The following HSPG2 variants were observed in gnomAD, a reference collection of about 807,000 sequenced individuals.
HSPG2 encodes heparan sulfate proteoglycan 2, also known as basement membrane-specific heparan sulfate proteoglycan core protein.
In HSPG2, 278 loss-of-function variants were observed where a neutral mutation model predicts 526.6. That is an observed-to-expected ratio of 0.53 (90% confidence interval 0.48 to 0.58). The LOEUF is 0.58. Ranked by LOEUF, HSPG2 falls within the 20% of genes least tolerant of loss-of-function variation. HSPG2 has a pLI of 0.00. For synonymous variants in HSPG2, 2,465 were observed against 2,555.4 expected, an observed-to-expected ratio of 0.96 and a Z score of 1.07; for missense variants, 5,354 against 6,099.5, an observed-to-expected ratio of 0.88 and a Z score of 4.07.
chr1:21,841,538 C>G lies in HSPG2; in HGVS notation c.9328+1G>C. 6.2e-7 allele frequency: 1 copy of G among 1,614,198 alleles called. No homozygotes were observed. The stretch of plus-strand genomic sequence containing the variant: ...GCCCCACAGGGTCAACGTCCCCTCA[C>G]CGTGCACACTGAGGTTCACCACACT... On this transcript the variant is annotated splice_donor_variant, in intron 70 of 96. Transcript: ENST00000374695. LOFTEE classifies it high-confidence loss of function.
Position 21,887,497 on chromosome 1 carries a change from T to C in HSPG2, c.881A>G (p.Asn294Ser), listed in dbSNP as rs375035794. The part of the protein sequence containing the change: ...PCGPQEAACR[N>S]GHCIPRDYLC... ...GTAGTCTCTGGGGATGCAGTGCCCA[T>C]TGCGGCATGCGGCCTCCTGGGGCCC... Residue 294 changes from asparagine to serine, a missense_variant, in exon 8 of 97, where the codon AAT (asparagine) becomes AGT (serine). By Grantham distance (46) the Asn-to-Ser change is conservative. Transcript: ENST00000374695. The surrounding 1 kb of genome is among the most constrained non-coding windows in gnomAD (Gnocchi z 5.0). 4.0e-5 allele frequency: 65 copies of C among 1,613,874 alleles called. No homozygotes were observed. The highest frequency in any genetic ancestry group is 1.6e-4 in the Middle Eastern group (1 of 6,066).
At chr1:21,854,066 G>T in intron 50 of HSPG2, 127 bp downstream of exon 50, 1 of 1,053,866 alleles carries the variant, frequency 9.5e-7, no homozygotes, top group Non-Finnish European at 1.3e-6. Flanking sequence ...CTCTCTCTGA[G>T]CAGGCGCTGA....
rs1557684079 is a variant in HSPG2 at position 21,835,019 on chromosome 1, C to T, written c.10454-74G>A. The T allele has an allele frequency of 3.2e-6, 5 of 1,550,082 alleles. No homozygotes were observed. The African/African-American group carries it at 5.4e-5, about 17-fold the overall frequency. ...TGGCCCGAGGGAGGCCATAGACTGCCCAAGGAAAGGTGAGCACTGAAGCTC... is the reference window on the plus strand; with the variant it reads ...TGGCCCGAGGGAGGCCATAGACTGCTCAAGGAAAGGTGAGCACTGAAGCTC... On this transcript the variant is annotated intron_variant, in intron 76 of 96. Transcript: ENST00000374695.
At position 21,858,531 on chromosome 1, in the gene HSPG2, G is replaced by C. The variant is rs1053535939; in HGVS notation, c.5293+1035C>G. On this transcript the variant is annotated intron_variant, in intron 42 of 96. Coordinates refer to ENST00000374695, the MANE Select transcript of HSPG2 (RefSeq NM_005529.7). The surrounding 1 kb of genome is among the most constrained non-coding windows in gnomAD (Gnocchi z 4.2). ...GGCTGGGGCCTCTTACTGGAGTTCA[G>C]ACTCACATACCCAAATGCCTGCCTG... Among the ~76,000 whole-genome samples, 1 of 152,196 alleles carries C rather than the reference G, an allele frequency of 6.6e-6. No individual in the cohort carries two copies. The highest frequency in any genetic ancestry group is 1.5e-5 in the Non-Finnish European group (1 of 68,050).
Position 21,830,325 on chromosome 1 carries a change from CAG to C in HSPG2, c.11672-236_11672-235del. On this transcript the variant is annotated intron_variant, in intron 85 of 96. Coordinates refer to ENST00000374695, the MANE Select transcript of HSPG2 (RefSeq NM_005529.7). The stretch of plus-strand genomic sequence containing the variant: ...GGACTCTGTGTGTCTGCAGGTTCTT[CAG>C]AGACTGGACAGTGTTGGAGGGGGAG... 5.2e-6 allele frequency: 3 copies of C among 572,166 alleles called. No homozygotes were observed. The East Asian group carries it at 8.8e-5, about 17-fold the overall frequency. 35.4% of individuals were successfully genotyped at this position (572,166 alleles called of 1,614,324 possible).
intron 33 of HSPG2, among the ~76,000 whole-genome samples, chr1:21,871,355 G>C (rs1021082159): frequency 4.6e-5 from 7 of 151,374 alleles, no homozygotes; most frequent in African/African-American, 1.7e-4. Flanking sequence ...CCCATCCTGG[G>C]TACCAGCGAT....
intron 87 of HSPG2, 107 bp from the exon 88 acceptor site, chr1:21,829,186 C>T: frequency 6.8e-7 from 1 of 1,462,302 alleles, no homozygotes; most frequent in Non-Finnish European, 9.2e-7. Context: ...CTACAGCCTT[C>T]TGTATTCCAG....
rs747374914 is a variant in HSPG2, at chr1:21,880,818, G to A, written c.1836C>T (p.Gly612=). 6.3e-7 allele frequency: 1 copy of A among 1,592,754 alleles called. No homozygotes were observed. Among genetic ancestry groups the A allele is most frequent in the East Asian group, 2.3e-5 (1 of 43,788 alleles). Residue 612 remains glycine (G), a synonymous_variant, in exon 15 of 97, where the codon GGC becomes GGT. Coordinates refer to ENST00000374695, the MANE Select transcript of HSPG2 (RefSeq NM_005529.7). ...CGTAGCGCACGTTGTAACGCAGGGA[G>A]CCGCCATAGGAGTCCACCTGGCACA... ...FLGNKVDSYG[G]SLRYNVRYEL...
At position 21,890,239 on chromosome 1, in the gene HSPG2, G is replaced by T; in HGVS notation, c.414-98C>A. 2 of 1,482,122 alleles carry T rather than the reference G, an allele frequency of 1.3e-6. No individual in the cohort carries two copies. The highest frequency in any genetic ancestry group is 2.3e-5 in the South Asian group (2 of 88,378). 91.8% of individuals were successfully genotyped at this position (1,482,122 alleles called of 1,614,324 possible). Reference sequence around the variant, plus strand: ...GCCCCGACGCTCAGGCCCTGTTCCGGGACAGCCTGTACCCAAAGAAGGGCA... The same window carrying T: ...GCCCCGACGCTCAGGCCCTGTTCCGTGACAGCCTGTACCCAAAGAAGGGCA... On this transcript the variant is annotated intron_variant, in intron 5 of 96. Coordinates refer to ENST00000374695, the MANE Select transcript of HSPG2 (RefSeq NM_005529.7). This position sits in a 1 kb window ranked among gnomAD's most constrained non-coding sequence, Gnocchi z 4.1.
In HSPG2 at chr1:21,927,261, C is replaced by T. The variant is rs75345728; in HGVS notation, c.63+9894G>A. 1.5e-3 allele frequency among the ~76,000 whole-genome samples: 231 copies of T among 151,820 alleles called. 1 individual carries two copies. The highest frequency in any genetic ancestry group is 4.8e-3 in the African/African-American group (197 of 41,128). On this transcript the variant is annotated intron_variant, in intron 1 of 96. Coordinates refer to ENST00000374695, the MANE Select transcript of HSPG2 (RefSeq NM_005529.7). ...TACAAAACACCTAGGTGTGACCCGC[C>T]TGATGGGGAGGGGGGACACATCTCT...
In HSPG2 at chr1:21,893,643, G is replaced by A. The variant is rs1007507370; in HGVS notation, c.244+2279C>T. On this transcript the variant is annotated intron_variant, in intron 3 of 96. Coordinates refer to ENST00000374695, the MANE Select transcript of HSPG2 (RefSeq NM_005529.7). The surrounding 1 kb of genome is among the most constrained non-coding windows in gnomAD (Gnocchi z 4.3). Reference sequence around the variant, plus strand: ...ACCATCATGCCAGCCACGGGCGGGCGGCCCAGGGGCTGCCCTGAGCCTGCA... The same window carrying A: ...ACCATCATGCCAGCCACGGGCGGGCAGCCCAGGGGCTGCCCTGAGCCTGCA... 2.0e-5 allele frequency among the ~76,000 whole-genome samples: 3 copies of A among 152,038 alleles called. No individual in the cohort carries two copies. In the South Asian group the frequency reaches 6.2e-4, roughly 32 times the overall value.
Position 21,864,337 on chromosome 1 carries a change from C to CG in HSPG2, c.4627-125_4627-124insC. 1.3e-6 allele frequency: 1 copy of CG among 785,904 alleles called. No individual in the cohort carries two copies. The highest frequency in any genetic ancestry group is 1.5e-5 in the South Asian group (1 of 67,834). The allele number at this position is 785,904 out of a possible 1,614,324, so 48.7% of individuals were successfully genotyped here. ...CCTGGAACATCACAGGCCGGCGCCC[C>CG]TCCTTCCCCACTTCTGCTCAGTCTG... On this transcript the variant is annotated intron_variant, in intron 36 of 96. Coordinates refer to ENST00000374695, the MANE Select transcript of HSPG2 (RefSeq NM_005529.7). The surrounding 1 kb of genome is among the most constrained non-coding windows in gnomAD (Gnocchi z 4.8).
At chr1:21,873,898 C>T in intron 29 of HSPG2, 27 bp downstream of exon 29, 1 of 1,547,220 alleles carries the variant, frequency 6.5e-7, no homozygotes, top group Non-Finnish European at 8.8e-7. Flanking sequence ...GTGCGCATCC[C>T]CCCACCCTCT....
chr1:21,861,962 C>G (rs1454796746), intron 38 of HSPG2, 26 bp downstream of exon 38: 2 of 1,614,200 alleles, frequency 1.2e-6, no homozygotes, highest in South Asian at 2.2e-5. Context: ...GAAGTGTGTC[C>G]TTGGGCCTTG....
rs146662165 is a variant in HSPG2 at position 21,861,430 on chromosome 1, T to C, written c.4955+327A>G. On this transcript the variant is annotated intron_variant, in intron 39 of 96. Transcript: ENST00000374695. The stretch of plus-strand genomic sequence containing the variant: ...GCCAGCACTGAGGCAGGAGGACTGC[T>C]TGAGCCCAGGAGTTTAAGACCAGCC... Among the ~76,000 whole-genome samples, 240 of 151,968 alleles carry C rather than the reference T, an allele frequency of 1.6e-3. 3 individuals are homozygous for C. The highest frequency in any genetic ancestry group is 5.2e-3 in the African/African-American group (216 of 41,456).
At chr1:21,924,602 C>G (rs1273153904) in intron 1 of HSPG2, among the ~76,000 whole-genome samples, 1 of 152,114 alleles carries the variant, frequency 6.6e-6, no homozygotes, top group East Asian at 1.9e-4. Context: ...AACTGAGGCC[C>G]GGGGAGGAGA....
Position 21,880,651 on chromosome 1 carries a change from C to T in HSPG2, c.1998+5G>A, listed in dbSNP as rs1641424270. 1 of 1,593,084 alleles carries T rather than the reference C, an allele frequency of 6.3e-7. No homozygotes were observed. Among genetic ancestry groups the T allele is most frequent in the South Asian group, 1.1e-5 (1 of 88,066 alleles). ...CCCAGCCCTAAGGGCTCAGGCGCCA[C>T]CCACCTCAGAGAACTGGACCTGGCG... On this transcript the variant is annotated splice_donor_5th_base_variant and intron_variant, in intron 15 of 96. Transcript: ENST00000374695.
chr1:21,927,403 C>T (rs144171123), intron 1 of HSPG2, among the ~76,000 whole-genome samples: 7 of 152,190 alleles, frequency 4.6e-5, no homozygotes, highest in Non-Finnish European at 7.4e-5. Flanking sequence ...GATTTAGAGT[C>T]GAGCAGCCCC....
At position 21,839,651 on chromosome 1, in the gene HSPG2, T is replaced by C; in HGVS notation, c.9710-101A>G. ...AGGGCCCTGGGTGATCCTGTCCCTC[T>C]ATGGGGACCCCAGTTGGGTTCCTCG... On this transcript the variant is annotated intron_variant, in intron 72 of 96. Transcript: ENST00000374695. The surrounding 1 kb of genome is among the most constrained non-coding windows in gnomAD (Gnocchi z 4.5). The C allele has an allele frequency of 6.8e-7, 1 of 1,461,552 alleles. No individual in the cohort carries two copies. The highest frequency in any genetic ancestry group is 9.4e-7 in the Non-Finnish European group (1 of 1,063,458). The allele number at this position is 1,461,552 out of a possible 1,614,324, so 90.5% of individuals were successfully genotyped here.
Sources: gnomAD v4.1 joint callset for allele counts (sites outside exome capture counted in the v4.1 genomes callset) on GRCh38, gnomAD v4.1.1 for gene constraint, Gnocchi (gnomAD v3.1) non-coding constraint, MANE v1.5 for transcripts, NCBI Gene and HGNC (gene_info 2026-07-23, HGNC 2026-07-21) for gene names.